CP: variants seen among roughly 807,000 people sequenced by gnomAD.
CP encodes caeruloplasmin.
Under a neutral mutation model 122.4 loss-of-function variants are expected in CP, and 64 were observed. The observed-to-expected ratio is 0.52, with a 90% CI of 0.43 to 0.64. CP has a LOEUF of 0.64. Ranked by LOEUF, CP falls within the 30% of genes least tolerant of loss-of-function variation. CP has a pLI of 0.00. For missense variants in CP, 1,167 were observed against 1,284.4 expected, an observed-to-expected ratio of 0.91 and a Z score of 1.40; for synonymous variants, 440 against 436.4, an observed-to-expected ratio of 1.01 and a Z score of -0.10.
chr3:149,173,577 G>T lies in CP; in HGVS notation c.*137C>A. The T allele has an allele frequency of 1.6e-6, 1 of 613,764 alleles. No individual in the cohort carries two copies. The highest frequency in any genetic ancestry group is 2.9e-6 in the Non-Finnish European group (1 of 349,724). The allele number at this position is 613,764 out of a possible 1,614,324, so 38.0% of individuals were successfully genotyped here. A position where few individuals can be genotyped will look rare whatever the true frequency, so the allele number is the denominator to read the frequency against. ...AAATTAATAGTTTTCCCCCACAAAT[G>T]TACAAAGTTGTATGCTTCCAGTCTT... On this transcript the variant is annotated 3_prime_UTR_variant, in exon 19 of 19. Coordinates refer to ENST00000264613, the MANE Select transcript of CP (RefSeq NM_000096.4).
intron 5 of CP, chr3:149,165,795 A>G (rs1488338249): frequency 1.0e-5 from 3 of 298,984 alleles, no homozygotes; most frequent in African/African-American, 6.7e-5. Flanking sequence ...GGATTAGTCA[A>G]GAGTTAAATA....
intron 12 of CP, among the ~76,000 whole-genome samples, chr3:149,184,510 C>T (rs1726021984): frequency 1.3e-5 from 2 of 152,180 alleles, no homozygotes; most frequent in African/African-American, 4.8e-5. Context: ...GAACACCTGC[C>T]CACCCCAATC....
At chr3:149,194,248 T>G (rs1726742422) in intron 9 of CP, among the ~76,000 whole-genome samples, 1 of 151,178 alleles carries the variant, frequency 6.6e-6, no homozygotes, top group African/African-American at 2.4e-5. Flanking sequence ...ATTTTTTATT[T>G]TTTTTTTTGA....
intron 4 of CP, among the ~76,000 whole-genome samples, chr3:149,167,451 A>C (rs1724537219): frequency 1.3e-5 from 2 of 151,886 alleles, no homozygotes; most frequent in Admixed American, 1.3e-4. Flanking sequence ...TATCATCATT[A>C]AACATCTTTT....
chr3:149,170,573 G>A (rs372311104), downstream of CP: 2 of 152,256 alleles, frequency 1.3e-5, no homozygotes, highest in East Asian at 1.9e-4. Context: ...AAAGCCACTC[G>A]GTGAGTTGGT....
At position 149,164,045 on chromosome 3, in the gene CP, A is replaced by G. The variant is rs1478205085; in HGVS notation, c.*14-1170T>C. The G allele has an allele frequency of 5.8e-6, 4 of 685,098 alleles. No individual in the cohort carries two copies. The African/African-American group carries it at 7.2e-5, about 12-fold the overall frequency. The allele number at this position is 685,098 out of a possible 1,614,324, so 42.4% of individuals were successfully genotyped here. Reference sequence around the variant, plus strand: ...ACCCCAGGTGTCCTGTTAATCTAGAATGTAGAATTTTGAGGGACAAAATCC... The same window carrying G: ...ACCCCAGGTGTCCTGTTAATCTAGAGTGTAGAATTTTGAGGGACAAAATCC... On this transcript the variant is annotated intron_variant, in intron 5 of 5. Coordinates refer to the CP transcript ENST00000479771.
intron 1 of CP, among the ~76,000 whole-genome samples, chr3:149,218,598 C>T (rs73019066): frequency 0.018 from 2,717 of 152,176 alleles, 86 homozygotes; most frequent in African/African-American, 0.062. Context: ...ACTTTTCTAT[C>T]TTATTCTGTT....
chr3:149,189,780 C>G (rs1294155315), intron 9 of CP, among the ~76,000 whole-genome samples: 1 of 151,918 alleles, frequency 6.6e-6, no homozygotes, highest in African/African-American at 2.4e-5. Flanking sequence ...ACAGAGAAAA[C>G]GTCAATGAAA....
At chr3:149,162,753 C>T (rs1219053813) in exon 6 of CP, 1 of 1,613,882 alleles carries the variant, frequency 6.2e-7, no homozygotes, top group Non-Finnish European at 8.5e-7. Flanking sequence ...GGAAGCTCAG[C>T]TAGTGGCATG....
rs181866246 is a variant in CP at position 149,164,542 on chromosome 3, A to G, written c.*13+1404T>C. 5.3e-5 allele frequency among the ~76,000 whole-genome samples: 8 copies of G among 152,302 alleles called. No individual in the cohort carries two copies. In the East Asian group the frequency reaches 7.7e-4, roughly 15 times the overall value. ...TCAGGCTGGGCCACATGAGCATATG[A>G]TTTTATTTAATGTAGTTCAGTGGCC... On this transcript the variant is annotated intron_variant, in intron 5 of 5. Coordinates refer to the CP transcript ENST00000479771.
chr3:149,186,716 C>T lies in CP; in HGVS notation c.1881G>A (p.Met627Ile), dbSNP rs904230062. The stretch of plus-strand genomic sequence containing the variant: ...TAGTGAGACCCGGCTGATTCCCATA[C>T]ATGAATCCATTCATGGCTGTAAAAG... ...SNKMHSMNGF[M>I]YGNQPGLTMC... Residue 627 changes from methionine to isoleucine, a missense_variant, in exon 11 of 19, where the codon ATG becomes ATA. By Grantham distance (10) the Met-to-Ile change is conservative. Around this residue, in one of 2 missense-constraint regions of CP, gnomAD observed 525 missense variants for 657.2 expected, o/e 0.80. Transcript: ENST00000264613. 7.4e-6 allele frequency: 12 copies of T among 1,614,028 alleles called. No individual in the cohort carries two copies. The highest frequency in any genetic ancestry group is 6.6e-5 in the South Asian group (6 of 91,078).
intron 9 of CP, among the ~76,000 whole-genome samples, chr3:149,194,245 AT>A (rs10718513): frequency 0.17 from 23,986 of 137,754 alleles, 3,608 homozygotes; most frequent in African/African-American, 0.43. Flanking sequence ...TTTATTTTTT[AT>A]TTTTTTTTTT....
Position 149,188,191 on chromosome 3 carries a change from G to A in CP, c.1725C>T (p.Asp575=). 6.2e-7 allele frequency: 1 copy of A among 1,611,080 alleles called. No homozygotes were observed. Among genetic ancestry groups the A allele is most frequent in the African/African-American group, 1.3e-5 (1 of 74,940 alleles). The change falls in exon 10 of 19, where the codon GAC becomes GAT. Residue 575 remains aspartate, a synonymous_variant. Transcript: ENST00000264613. ...CTGTAGGAAACAAATAGAATTCCTT[G>A]TCTACATCTTTCTGTAAATCAAAAC... ...LHANGRQKDV[D]KEFYLFPTVF...
intron 5 of CP, among the ~76,000 whole-genome samples, chr3:149,207,003 A>G (rs958220543): frequency 6.6e-6 from 1 of 152,208 alleles, no homozygotes; most frequent in African/African-American, 2.4e-5. Context: ...AATAAAGAAC[A>G]AAGTTAATTA....
At chr3:149,172,368 A>G (rs1010344465), downstream of CP, 7 of 648,624 alleles carry the variant, frequency 1.1e-5, no homozygotes, top group East Asian at 1.2e-4. Flanking sequence ...ATATGATACA[A>G]ATGCTTTCAG....
At chr3:149,181,896 A>G in intron 14 of CP, 109 bp downstream of exon 14, 35 of 954,678 alleles carry the variant, frequency 3.7e-5, no homozygotes, top group Non-Finnish European at 5.3e-5. Context: ...CTTCACAACT[A>G]CCTCCCTTTT....
intron 9 of CP, among the ~76,000 whole-genome samples, chr3:149,196,104 G>C (rs981519101): frequency 6.6e-6 from 1 of 152,136 alleles, no homozygotes; most frequent in East Asian, 1.9e-4. Context: ...ATGACAAAAA[G>C]AGTGGCAAAC....
intron 1 of CP, among the ~76,000 whole-genome samples, chr3:149,215,402 TG>T (rs1225627429): frequency 6.6e-6 from 1 of 152,112 alleles, no homozygotes; most frequent in Non-Finnish European, 1.5e-5. Flanking sequence ...CAAAGTTTTT[TG>T]GGGGGGTTAA....
At position 149,182,072 on chromosome 3, in the gene CP, T is replaced by C. The variant is rs11553308; in HGVS notation, c.2487A>G (p.Thr829=). The part of the protein sequence containing the change: ...KVKIIFKNMA[T]RPYSIHAHGV... The stretch of plus-strand genomic sequence containing the variant: ...CATGGGCATGTATTGAGTAGGGCCT[T>C]GTGGCCATGTTTTTAAAGATAATTT... The change falls in exon 14 of 19, where the codon ACA becomes ACG. Residue 829 remains threonine, a synonymous_variant. Coordinates refer to ENST00000264613, the MANE Select transcript of CP (RefSeq NM_000096.4). The C allele has an allele frequency of 6.2e-7, 1 of 1,603,564 alleles. No individual in the cohort carries two copies. The highest frequency in any genetic ancestry group is 2.3e-5 in the East Asian group (1 of 43,982).
Sources: allele counts gnomAD v4.1 joint callset (sites outside exome capture counted in the v4.1 genomes callset), GRCh38; gene constraint gnomAD v4.1.1; regional missense constraint gnomAD v4.1.1; transcripts MANE v1.5; gene names NCBI Gene and HGNC (gene_info 2026-07-23, HGNC 2026-07-21).